DPH6: variants seen among roughly 807,000 people sequenced by gnomAD.
The protein encoded by DPH6 is diphthine--ammonia ligase.
A neutral mutation model predicts 38.2 loss-of-function variants in DPH6; 33 were observed. That is an observed-to-expected ratio of 0.86 (90% confidence interval 0.65 to 1.15). DPH6 has a LOEUF of 1.15. Ranked by LOEUF, DPH6 falls within the 50% of genes most tolerant of loss-of-function variation. DPH6 has a pLI of 0.00. For synonymous variants in DPH6, 108 were observed against 103.0 expected (o/e 1.05, Z -0.30); for missense variants, 325 against 320.0 (o/e 1.02, Z -0.12).
the DPH6 span, among the ~76,000 whole-genome samples, chr15:35,203,744 A>C: frequency 6.6e-6 from 1 of 151,762 alleles, no homozygotes; most frequent in Non-Finnish European, 1.5e-5. Context: ...ATATTTTTCA[A>C]AACTCAGCTT....
chr15:35,300,157 A>C (rs2052045185), intron 3 of DPH6, among the ~76,000 whole-genome samples: 1 of 152,238 alleles, frequency 6.6e-6, no homozygotes, highest in African/African-American at 2.4e-5. Context: ...ATGCTGAATG[A>C]ACAAAAATGG....
the DPH6 span, among the ~76,000 whole-genome samples, chr15:35,166,090 A>C: frequency 6.6e-6 from 1 of 151,928 alleles, no homozygotes; most frequent in Non-Finnish European, 1.5e-5. Flanking sequence ...TGAATATTTT[A>C]AGCTGAAGGA....
chr15:35,151,738 C>A, the DPH6 span, among the ~76,000 whole-genome samples: 1 of 152,046 alleles, frequency 6.6e-6, no homozygotes, highest in African/African-American at 2.4e-5. Context: ...TGACCCTGAA[C>A]TAGAATAAGA....
downstream of DPH6, among the ~76,000 whole-genome samples, chr15:35,325,851 GAAT>G: frequency 6.6e-6 from 1 of 151,966 alleles, no homozygotes; most frequent in South Asian, 2.1e-4. Context: ...CTCATATCTA[GAAT>G]ATATAAAGAA....
At chr15:35,302,139 T>C (rs925059913) in intron 3 of DPH6, among the ~76,000 whole-genome samples, 10 of 152,112 alleles carry the variant, frequency 6.6e-5, no homozygotes, top group African/African-American at 2.4e-4. Flanking sequence ...CAAATCAAAC[T>C]GAATACCAAA....
At chr15:35,285,871 A>ATTTTTTTTTTTTTTTTTTTT (rs1566859769) in intron 3 of DPH6, among the ~76,000 whole-genome samples, 4 of 2,854 alleles carry the variant, frequency 1.4e-3, no homozygotes, top group Non-Finnish European at 3.0e-3. Flanking sequence ...TTTATCTTTG[A>ATTTTTTTTTTTTTTTTTTTT]GTTTTTTTTT....
At chr15:35,204,928 GAAGGAAGAGAGACA>G in the DPH6 span, among the ~76,000 whole-genome samples, 2 of 151,884 alleles carry the variant, frequency 1.3e-5, no homozygotes, top group African/African-American at 4.8e-5. Flanking sequence ...AGTGAATACA[GAAGGAAGAGAGACA>G]AAGGAAGAGA....
At position 35,494,463 on chromosome 15, in the gene DPH6, GAAAT is replaced by G. The variant is rs2054522922; in HGVS notation, c.313-39647_313-39644del. Among the ~76,000 whole-genome samples the G allele has an allele frequency of 3.3e-5, 5 of 152,082 alleles. No homozygotes were observed. In the South Asian group the frequency reaches 1.0e-3, roughly 32 times the overall value. The stretch of plus-strand genomic sequence containing the variant: ...ACCTGCCTACTTGGCAAAAATTAAA[GAAAT>G]AAAGATTACATTAAAATTACTCAAG... On this transcript the variant is annotated intron_variant, in intron 3 of 8. Transcript: ENST00000256538.
intron 3 of DPH6, among the ~76,000 whole-genome samples, chr15:35,335,267 G>A (rs1266627789): frequency 2.0e-5 from 3 of 151,926 alleles, no homozygotes; most frequent in Admixed American, 6.6e-5. Context: ...GTAAATTTAA[G>A]TTCCTTGTAG....
intron 3 of DPH6, among the ~76,000 whole-genome samples, chr15:35,478,209 T>A (rs1215557866): frequency 1.3e-5 from 2 of 151,780 alleles, no homozygotes; most frequent in African/African-American, 4.8e-5. Flanking sequence ...TGTGTAAAGG[T>A]TACTGATAAG....
At chr15:35,501,899 T>TAATA (rs2054632417) in intron 3 of DPH6, among the ~76,000 whole-genome samples, 1 of 152,114 alleles carries the variant, frequency 6.6e-6, no homozygotes, top group Non-Finnish European at 1.5e-5. Context: ...TCATCCAATT[T>TAATA]AAGTTTAGCA....
intron 3 of DPH6, among the ~76,000 whole-genome samples, chr15:35,226,898 G>C (rs2051485491): frequency 6.6e-6 from 1 of 152,122 alleles, no homozygotes; most frequent in Admixed American, 6.6e-5. Context: ...AGTAGGATTG[G>C]TATCAGCTCT....
Position 35,439,127 on chromosome 15 carries a change from A to G in DPH6, c.505+11558T>C, listed in dbSNP as rs1042441637. On this transcript the variant is annotated intron_variant, in intron 5 of 8. Transcript: ENST00000256538. ...TCACGGTCAAACTGGTTAAGACTGG[A>G]TAGAATTGTCTTTAAGATTTCATTA... Among the ~76,000 whole-genome samples the G allele has an allele frequency of 3.9e-5, 6 of 152,252 alleles. No individual in the cohort carries two copies. The East Asian group carries it at 1.2e-3, about 29-fold the overall frequency.
chr15:35,385,601 C>G (rs2052941088), intron 6 of DPH6, among the ~76,000 whole-genome samples: 1 of 151,994 alleles, frequency 6.6e-6, no homozygotes, highest in Non-Finnish European at 1.5e-5. Flanking sequence ...ACATCACACA[C>G]CAGAGCCTGT....
intron 3 of DPH6, among the ~76,000 whole-genome samples, chr15:35,281,553 T>C (rs1046157247): frequency 6.6e-6 from 1 of 152,246 alleles, no homozygotes; most frequent in Non-Finnish European, 1.5e-5. Context: ...CAACTCATTT[T>C]CTTTTTTATA....
At chr15:35,239,432 G>A (rs1439195889) in intron 3 of DPH6, among the ~76,000 whole-genome samples, 1 of 144,190 alleles carries the variant, frequency 6.9e-6, no homozygotes, top group Non-Finnish European at 1.5e-5. Context: ...AATCATTGCA[G>A]GGATGCCTCT....
chr15:35,156,604 C>G, the DPH6 span, among the ~76,000 whole-genome samples: 4 of 151,998 alleles, frequency 2.6e-5, no homozygotes, highest in Non-Finnish European at 5.9e-5. Context: ...GACCTAACGA[C>G]TAGAGAATGC....
intron 3 of DPH6, among the ~76,000 whole-genome samples, chr15:35,487,897 T>C (rs978880002): frequency 6.6e-6 from 1 of 152,214 alleles, no homozygotes; most frequent in African/African-American, 2.4e-5. Flanking sequence ...CATATGAGCA[T>C]ACAATTTTAG....
intron 6 of DPH6, among the ~76,000 whole-genome samples, chr15:35,383,564 G>A (rs1231058085): frequency 2.0e-5 from 3 of 152,172 alleles, no homozygotes; most frequent in Non-Finnish European, 4.4e-5. Flanking sequence ...ACGCAACAGC[G>A]ATATTGCCTC....
Sources: gnomAD v4.1 joint callset for allele counts (sites outside exome capture counted in the v4.1 genomes callset) on GRCh38, gnomAD v4.1.1 for gene constraint, MANE v1.5 for transcripts, NCBI Gene and HGNC (gene_info 2026-07-23, HGNC 2026-07-21) for gene names.